The following KRT8 variants were observed in gnomAD, a reference collection of about 807,000 sequenced individuals.
KRT8 encodes keratin 8.
In KRT8, 24 loss-of-function variants were observed where a neutral mutation model predicts 43.0. The ratio of observed to expected loss-of-function variants is 0.56; its 90% CI spans 0.40 to 0.78. The LOEUF (loss-of-function observed/expected upper bound fraction) is 0.78. KRT8 is among the 30% of genes least tolerant of loss of function. The pLI, the probability that KRT8 is intolerant of heterozygous loss-of-function variation, is 0.00. For missense variants in KRT8, 492 were observed against 638.4 expected, an observed-to-expected ratio of 0.77 and a Z score of 2.47; for synonymous variants, 214 against 261.2, an observed-to-expected ratio of 0.82 and a Z score of 1.74.
intron 2 of KRT8, among the ~76,000 whole-genome samples, chr12:52,931,588 A>C (rs1405667519): frequency 6.6e-6 from 1 of 151,790 alleles, no homozygotes; most frequent in Non-Finnish European, 1.5e-5. Flanking sequence ...GCTCTTCTTG[A>C]CCTGGTCTTC....
chr12:52,911,713 C>A (rs565195991), upstream of KRT8, among the ~76,000 whole-genome samples: 28 of 152,274 alleles, frequency 1.8e-4, no homozygotes, highest in East Asian at 5.4e-3. Flanking sequence ...ACTATACACA[C>A]TTCCAGTATA....
chr12:52,910,230 C>T (rs371024779), upstream of KRT8, among the ~76,000 whole-genome samples: 6 of 152,188 alleles, frequency 3.9e-5, no homozygotes, highest in African/African-American at 1.4e-4. Flanking sequence ...ACATCAAGAT[C>T]GCCCGTGGGA....
intron 2 of KRT8, among the ~76,000 whole-genome samples, chr12:52,928,949 C>A (rs550494765): frequency 1.3e-5 from 2 of 152,212 alleles, no homozygotes; most frequent in South Asian, 4.1e-4. Context: ...ACCCATGTCC[C>A]ACACCCACTA....
chr12:52,903,005 C>CT (rs1941413088), intron 1 of KRT8, among the ~76,000 whole-genome samples: 1 of 152,110 alleles, frequency 6.6e-6, no homozygotes, highest in Admixed American at 6.5e-5. Flanking sequence ...GAGTGAGACT[C>CT]TGTCTCAAAC....
rs1398884149 is a variant in KRT8 at position 52,899,564 on chromosome 12, C to G, written c.981+211G>C. ...GCCCCAACATACCTGCCCCAGTCCC[C>G]TTTCACCTCTGTCCTGGCCCAAGGG... is the stretch of plus-strand genomic sequence containing the variant. On this transcript the variant is annotated intron_variant, in intron 5 of 7. Coordinates refer to ENST00000692008, the Ensembl canonical transcript of KRT8. Among the ~76,000 whole-genome samples the G allele has an allele frequency of 3.9e-5, 6 of 152,086 alleles. No individual in the cohort carries two copies. In the East Asian group the frequency reaches 9.7e-4, roughly 24 times the overall value.
exon 1 of KRT8, chr12:52,905,049 C>T: frequency 6.5e-7 from 1 of 1,547,046 alleles, no homozygotes; most frequent in Non-Finnish European, 8.7e-7. Context: ...GGAGAAGCTG[C>T]TTCTTGGTGA....
intron 2 of KRT8, among the ~76,000 whole-genome samples, chr12:52,924,408 C>T (rs2096190387): frequency 6.6e-6 from 1 of 150,536 alleles, no homozygotes. Context: ...GAGATTGCGC[C>T]ACTGCACTCC....
intron 1 of KRT8, chr12:52,949,688 A>G: frequency 9.3e-7 from 1 of 1,072,424 alleles, no homozygotes. Flanking sequence ...CCCAACCCCT[A>G]CTCCACCGGG....
chr12:52,903,139 T>C (rs1249369414), intron 1 of KRT8, among the ~76,000 whole-genome samples: 3 of 152,190 alleles, frequency 2.0e-5, no homozygotes, highest in African/African-American at 7.2e-5. Context: ...GCCCCAAAAT[T>C]ATTTTTTAAA....
intron 2 of KRT8, among the ~76,000 whole-genome samples, chr12:52,938,315 T>C (rs1029097747): frequency 2.0e-5 from 3 of 149,926 alleles, no homozygotes; most frequent in African/African-American, 7.4e-5. Context: ...ATTACAAGCA[T>C]GGACAATGCC....
In KRT8 at chr12:52,935,378, C is replaced by CA. The variant is rs71092794; in HGVS notation, c.-47+14077dup. 2.1e-3 allele frequency among the ~76,000 whole-genome samples: 50 copies of CA among 23,752 alleles called. 10 individuals are homozygous for CA. The highest frequency in any genetic ancestry group is 8.3e-3 in the African/African-American group (43 of 5,156). 15.6% of individuals were successfully genotyped at this position (23,752 alleles called of 152,430 possible). A position where few individuals can be genotyped will look rare whatever the true frequency, so the allele number is the denominator to read the frequency against. On this transcript the variant is annotated intron_variant, in intron 2 of 6. Coordinates refer to the KRT8 transcript ENST00000546826. ...TGGGTGACAGAGCAAGACTCTGTCT[C>CA]AAAAAAAAAAAAAAAAAAAAAAAAA... is the stretch of plus-strand genomic sequence containing the variant.
chr12:52,936,235 G>A (rs1942168042), intron 2 of KRT8, among the ~76,000 whole-genome samples: 1 of 151,916 alleles, frequency 6.6e-6, no homozygotes, highest in Non-Finnish European at 1.5e-5. Flanking sequence ...CTGGGAGATA[G>A]AGGAAGATTC....
chr12:52,906,602 G>C (rs1255001453), upstream of KRT8: 7 of 432,960 alleles, frequency 1.6e-5, no homozygotes, highest in Non-Finnish European at 2.3e-5. Context: ...GTGGGTGGAA[G>C]GCAGGAGGTT....
chr12:52,910,917 C>G (rs1183438896), upstream of KRT8, among the ~76,000 whole-genome samples: 1 of 152,152 alleles, frequency 6.6e-6, no homozygotes, highest in Non-Finnish European at 1.5e-5. Context: ...CTGTATTCAC[C>G]TTTTCATTTA....
intron 5 of KRT8, 138 bp downstream of exon 5, chr12:52,899,637 A>C (rs963138605): frequency 4.1e-6 from 3 of 724,514 alleles, no homozygotes; most frequent in African/African-American, 3.6e-5. Context: ...GAGAAGCTGA[A>C]CTGTGGCTGC....
intron 2 of KRT8, among the ~76,000 whole-genome samples, chr12:52,916,399 AGCT>A (rs777408547): frequency 6.6e-6 from 1 of 152,232 alleles, no homozygotes; most frequent in Non-Finnish European, 1.5e-5. Flanking sequence ...AAGGTCACTC[AGCT>A]GCACTTCTAG....
At chr12:52,948,987 G>A in intron 2 of KRT8, 1 of 496,366 alleles carries the variant, frequency 2.0e-6, no homozygotes. Flanking sequence ...GGTGGGGCCC[G>A]GGGCGGAGCG....
intron 2 of KRT8, among the ~76,000 whole-genome samples, chr12:52,915,415 A>G (rs764311196): frequency 3.3e-5 from 5 of 151,616 alleles, no homozygotes; most frequent in Non-Finnish European, 7.4e-5. Flanking sequence ...CCAGGAAGAA[A>G]TGCTGGACAG....
chr12:52,929,512 T>G (rs907241825), intron 2 of KRT8, among the ~76,000 whole-genome samples: 8 of 152,100 alleles, frequency 5.3e-5, no homozygotes, highest in African/African-American at 1.9e-4. Context: ...TAAAAGACAA[T>G]TCCTTTGGCT....
Sources: allele counts gnomAD v4.1 joint callset (sites outside exome capture counted in the v4.1 genomes callset), GRCh38; gene constraint gnomAD v4.1.1; transcripts MANE v1.5; gene names NCBI Gene and HGNC (gene_info 2026-07-23, HGNC 2026-07-21).